Variants in PAICS observed in about 807,000 individuals in gnomAD.
PAICS encodes bifunctional phosphoribosylaminoimidazole carboxylase/phosphoribosylaminoimidazole succinocarboxamide synthetase.
In PAICS, 33 loss-of-function variants were observed where a neutral mutation model predicts 53.7. The ratio of observed to expected loss-of-function variants is 0.61; its 90% confidence interval spans 0.47 to 0.82. The LOEUF (loss-of-function observed/expected upper bound fraction) is 0.82. Ranked by LOEUF, PAICS falls within the 40% of genes least tolerant of loss-of-function variation. PAICS has a pLI of 0.00. For missense variants in PAICS, 394 were observed against 494.1 expected (o/e 0.80, Z 1.92); for synonymous variants, 141 against 167.2 (o/e 0.84, Z 1.21).
At chr4:56,456,493 G>A (rs556137761) in intron 8 of PAICS, among the ~76,000 whole-genome samples, 67 of 152,138 alleles carry the variant, frequency 4.4e-4, no homozygotes, top group African/African-American at 1.6e-3. Context: ...CTGGACCCTT[G>A]AACTCCCCGG....
In PAICS at chr4:56,459,613, GA is replaced by G; in HGVS notation, c.*79del. ...TAGCTGAAGGAAAATCAAGCAAGAT[GA>G]AAAGGTAATTTTAAATTAGAGAACA... On this transcript the variant is annotated 3_prime_UTR_variant, in exon 9 of 9. Transcript: ENST00000512576. 1 of 1,113,244 alleles carries G rather than the reference GA, an allele frequency of 9.0e-7. No individual in the cohort carries two copies. The allele number at this position is 1,113,244 out of a possible 1,614,324, so 69.0% of individuals were successfully genotyped here.
Position 56,460,605 on chromosome 4 carries a change from A to G in PAICS, c.*1067A>G, listed in dbSNP as rs1176364027. 6.6e-6 allele frequency: 1 copy of G among 152,204 alleles called. No individual in the cohort carries two copies. The highest frequency in any genetic ancestry group is 1.5e-5 in the Non-Finnish European group (1 of 68,048). 9.4% of individuals were successfully genotyped at this position (152,204 alleles called of 1,614,324 possible). A position where few individuals can be genotyped will look rare whatever the true frequency, so the allele number is the denominator to read the frequency against. Reference sequence around the variant, plus strand: ...TGACCCTCTCTGTAGAAAACCGCACACATAAAACTTACCAACAGATTTCAT... The same window carrying G: ...TGACCCTCTCTGTAGAAAACCGCACGCATAAAACTTACCAACAGATTTCAT... On this transcript the variant is annotated 3_prime_UTR_variant, in exon 9 of 9. Coordinates refer to ENST00000512576, the MANE Select transcript of PAICS (RefSeq NM_001079524.2).
chr4:56,412,503 T>C, the PAICS span, among the ~76,000 whole-genome samples: 397 of 152,256 alleles, frequency 2.6e-3, 3 homozygotes, highest in African/African-American at 9.1e-3. Flanking sequence ...TTTCCCACCA[T>C]GTTGCCCTGG....
intron 3 of PAICS, 37 bp from the exon 4 acceptor site, chr4:56,448,381 G>A: frequency 7.2e-7 from 1 of 1,386,222 alleles, no homozygotes. Flanking sequence ...AAAAATTTTA[G>A]ATTGAAGTTA....
chr4:56,431,569 G>C, upstream of PAICS: 3 of 952,446 alleles, frequency 3.1e-6, no homozygotes, highest in Non-Finnish European at 3.8e-6. Context: ...TAAATTTTTA[G>C]AAGTATGAAA....
the PAICS span, among the ~76,000 whole-genome samples, chr4:56,412,402 G>A: frequency 2.0e-5 from 3 of 151,514 alleles, no homozygotes; most frequent in Non-Finnish European, 4.4e-5. Context: ...TCAACTTCCA[G>A]GACTCAAATG....
At chr4:56,419,796 G>A in the PAICS span, 23 of 984,766 alleles carry the variant, frequency 2.3e-5, no homozygotes, top group African/African-American at 3.7e-4. Flanking sequence ...TCAACAAATT[G>A]CAGCCAAGCT....
chr4:56,429,932 A>AT, the PAICS span, among the ~76,000 whole-genome samples: 1 of 152,062 alleles, frequency 6.6e-6, no homozygotes, highest in Non-Finnish European at 1.5e-5. Flanking sequence ...GTAGTCTGTT[A>AT]TTTTTTATTA....
chr4:56,455,486 A>G (rs1719148681), intron 8 of PAICS, among the ~76,000 whole-genome samples: 1 of 152,012 alleles, frequency 6.6e-6, no homozygotes, highest in South Asian at 2.1e-4. Flanking sequence ...TTGGAGACTC[A>G]TTTTGCCTTT....
chr4:56,440,609 T>G (rs1328145043), intron 1 of PAICS, among the ~76,000 whole-genome samples: 1 of 152,206 alleles, frequency 6.6e-6, no homozygotes, highest in African/African-American at 2.4e-5. Flanking sequence ...CCTACCCCTT[T>G]CTCTCCTTTG....
At chr4:56,455,964 A>G (rs1268637403) in intron 8 of PAICS, among the ~76,000 whole-genome samples, 2 of 151,768 alleles carry the variant, frequency 1.3e-5, no homozygotes, top group African/African-American at 4.8e-5. Context: ...ATACCCCTCC[A>G]TATTCTCTCT....
At chr4:56,453,804 T>C (rs1578159072) in intron 8 of PAICS, 43 bp downstream of exon 8, 6 of 1,382,014 alleles carry the variant, frequency 4.3e-6, no homozygotes, top group Non-Finnish European at 6.0e-6. Flanking sequence ...TTACAAGCAT[T>C]TAACAGATGC....
chr4:56,433,401 A>G (rs1444437284), upstream of PAICS, among the ~76,000 whole-genome samples: 1 of 149,536 alleles, frequency 6.7e-6, no homozygotes, highest in African/African-American at 2.5e-5. Flanking sequence ...ATTCATTAAA[A>G]AAAAAAAAAA....
At chr4:56,456,444 G>T (rs1336369402) in intron 8 of PAICS, among the ~76,000 whole-genome samples, 1 of 152,126 alleles carries the variant, frequency 6.6e-6, no homozygotes, top group Non-Finnish European at 1.5e-5. Flanking sequence ...GTCTTGCTCT[G>T]TTGCCCAGGT....
chr4:56,439,837 C>T (rs1360187416), intron 1 of PAICS, among the ~76,000 whole-genome samples: 1 of 152,104 alleles, frequency 6.6e-6, no homozygotes, highest in Non-Finnish European at 1.5e-5. Context: ...GTTGCCCAGG[C>T]TGGTCTTGAA....
the PAICS span, chr4:56,416,396 A>G: frequency 1.1e-6 from 1 of 907,424 alleles, no homozygotes; most frequent in Non-Finnish European, 1.3e-6. Context: ...TGTCTCAGGA[A>G]ATCCTTTACT....
At position 56,459,535 on chromosome 4, in the gene PAICS, A is replaced by T. The variant is rs756627780; in HGVS notation, c.1275A>T (p.Leu425Phe). ...ACAAGAAAATCAGAGAATGTAATTTATAAGAAAGAATGCCATTGAATTTTT... is the reference window on the plus strand; with the variant it reads ...ACAAGAAAATCAGAGAATGTAATTTTTAAGAAAGAATGCCATTGAATTTTT... Reference protein sequence around the residue: ...QADKKIRECNL With the variant: ...QADKKIRECNF The change falls in exon 9 of 9, where the codon TTA becomes TTT. Residue 425 changes from leucine (L) to phenylalanine (F), a missense_variant. Leu to Phe is a conservative substitution (Grantham distance 22, BLOSUM62 0). Transcript: ENST00000512576. 4 of 1,546,684 alleles carry T rather than the reference A, an allele frequency of 2.6e-6. No individual in the cohort carries two copies. Among genetic ancestry groups the T allele is most frequent in the Non-Finnish European group, 3.5e-6 (4 of 1,136,218 alleles).
intron 1 of PAICS, among the ~76,000 whole-genome samples, chr4:56,438,405 A>G (rs12510712): frequency 0.19 from 25,378 of 135,940 alleles, 2,910 homozygotes; most frequent in Admixed American, 0.35. Flanking sequence ...ATATATATAA[A>G]AGGTTTTTTT....
At chr4:56,410,618 A>G in the PAICS span, 2 of 985,716 alleles carry the variant, frequency 2.0e-6, no homozygotes, top group South Asian at 4.7e-5. Flanking sequence ...TGGAACACTA[A>G]GAAATAAAGG....
Sources: allele counts gnomAD v4.1 joint callset (sites outside exome capture counted in the v4.1 genomes callset), GRCh38; gene constraint gnomAD v4.1.1; transcripts MANE v1.5; gene names NCBI Gene and HGNC (gene_info 2026-07-23, HGNC 2026-07-21).